Variants in DPP6 observed in about 807,000 individuals in gnomAD.
DPP6 encodes dipeptidyl peptidase like 6, also known as A-type potassium channel modulatory protein DPP6.
Under a neutral mutation model 122.6 loss-of-function variants are expected in DPP6, and 69 were observed. The ratio of observed to expected loss-of-function variants is 0.56; its 90% confidence interval spans 0.46 to 0.69. The LOEUF is 0.69. Ranked by LOEUF, DPP6 falls within the 30% of genes least tolerant of loss-of-function variation. DPP6 has a pLI of 0.00. For missense variants in DPP6, 928 were observed against 1,116.9 expected, an observed-to-expected ratio of 0.83 and a Z score of 2.41; for synonymous variants, 418 against 433.1, an observed-to-expected ratio of 0.97 and a Z score of 0.43.
chr7:154,207,946 C>T (rs1241672501), intron 1 of DPP6, among the ~76,000 whole-genome samples: 1 of 143,372 alleles, frequency 7.0e-6, no homozygotes, highest in Non-Finnish European at 1.5e-5. Flanking sequence ...CAGAGTGAGA[C>T]TGCCTCAAAA....
chr7:154,239,992 TAAAAAAAAAA>T (rs763543397), intron 1 of DPP6, among the ~76,000 whole-genome samples: 3 of 50,398 alleles, frequency 6.0e-5, no homozygotes, highest in African/African-American at 1.8e-4. Flanking sequence ...ATGCTGTCTT[TAAAAAAAAAA>T]AAAAAAAAAA....
At chr7:153,965,669 C>T (rs1795668328) in intron 1 of DPP6, among the ~76,000 whole-genome samples, 1 of 152,154 alleles carries the variant, frequency 6.6e-6, no homozygotes, top group South Asian at 2.1e-4. Flanking sequence ...CCCACCACCA[C>T]GCCTGGCTAA....
intron 1 of DPP6, among the ~76,000 whole-genome samples, chr7:154,409,530 A>G (rs1290527485): frequency 1.3e-5 from 2 of 152,228 alleles, no homozygotes; most frequent in Non-Finnish European, 2.9e-5. Context: ...ACTTTTCATT[A>G]CAATCCAATT....
chr7:154,652,264 G>GT (rs532694133), intron 6 of DPP6, among the ~76,000 whole-genome samples: 6,652 of 149,498 alleles, frequency 0.044, 204 homozygotes, highest in African/African-American at 0.085. Flanking sequence ...CTCCAAAGGC[G>GT]TTTTTTTTTT....
the DPP6 span, among the ~76,000 whole-genome samples, chr7:153,799,283 A>AAT: frequency 2.2e-4 from 33 of 152,284 alleles, no homozygotes; most frequent in African/African-American, 7.9e-4. Context: ...GATTTATCTA[A>AAT]ATATATATAT....
At chr7:154,876,175 G>C in intron 20 of DPP6, 75 bp downstream of exon 20, 5 of 1,438,538 alleles carry the variant, frequency 3.5e-6, no homozygotes, top group Non-Finnish European at 4.5e-6. Flanking sequence ...CGCAGTCACA[G>C]TGCGGGAATG....
chr7:154,290,969 A>G (rs562424969), intron 1 of DPP6, among the ~76,000 whole-genome samples: 7 of 152,338 alleles, frequency 4.6e-5, no homozygotes, highest in Non-Finnish European at 8.8e-5. Context: ...AACAAGAGAC[A>G]AAACAAAAGT....
chr7:154,346,195 C>T (rs937681102), intron 1 of DPP6, among the ~76,000 whole-genome samples: 1 of 152,166 alleles, frequency 6.6e-6, no homozygotes, highest in Non-Finnish European at 1.5e-5. Context: ...TTGGCCCAGA[C>T]TCCCAGGATA....
rs1010802198 is a variant in DPP6 at position 154,821,394 on chromosome 7, A to G, written c.1666+14282A>G. Among the ~76,000 whole-genome samples, 1 of 151,962 alleles carries G rather than the reference A, an allele frequency of 6.6e-6. No individual in the cohort carries two copies. The highest frequency in any genetic ancestry group is 6.6e-5 in the Admixed American group (1 of 15,240). On this transcript the variant is annotated intron_variant, in intron 16 of 25. Coordinates refer to ENST00000377770, the MANE Select transcript of DPP6 (RefSeq NM_130797.4). This position sits in a 1 kb window ranked among gnomAD's most constrained non-coding sequence, Gnocchi z 4.2. The stretch of plus-strand genomic sequence containing the variant: ...TCAGTCCTTTTTGCCACTAGATCCA[A>G]CATGGATAGACAGATAATAGATGAG...
rs575923773 is a variant in DPP6 at position 154,241,474 on chromosome 7, C to G, written c.243+188411C>G. Reference sequence around the variant, plus strand: ...ATTTGGGAGGCGGAGGCAGGAGAATCGCTTGAACCCAGGAGAAGGAGGTTG... The same window carrying G: ...ATTTGGGAGGCGGAGGCAGGAGAATGGCTTGAACCCAGGAGAAGGAGGTTG... On this transcript the variant is annotated intron_variant, in intron 1 of 25. Transcript: ENST00000377770. The surrounding 1 kb of genome is among the most constrained non-coding windows in gnomAD (Gnocchi z 9.0). Among the ~76,000 whole-genome samples the G allele has an allele frequency of 6.6e-6, 1 of 151,934 alleles. No individual in the cohort carries two copies. Among genetic ancestry groups the G allele is most frequent in the Non-Finnish European group, 1.5e-5 (1 of 68,002 alleles).
intron 6 of DPP6, among the ~76,000 whole-genome samples, chr7:154,644,270 G>A (rs1415980551): frequency 6.6e-6 from 1 of 152,204 alleles, no homozygotes; most frequent in Non-Finnish European, 1.5e-5. Flanking sequence ...GGAATGGTGG[G>A]TCGGGAGCTC....
rs114698843 is a variant in DPP6 at position 154,297,798 on chromosome 7, T to C, written c.244-148416T>C. Among the ~76,000 whole-genome samples, 1,072 of 152,270 alleles carry C rather than the reference T, an allele frequency of 7.0e-3. 11 individuals carry two copies. The highest frequency in any genetic ancestry group is 0.025 in the African/African-American group (1,026 of 41,552). ...GGTTTGGTCTCATGGTTCCAGATTG[T>C]AGCAAGCATTCCAGATAGGCAGATG... On this transcript the variant is annotated intron_variant, in intron 1 of 25. Transcript: ENST00000377770.
intron 16 of DPP6, among the ~76,000 whole-genome samples, chr7:154,824,944 G>A (rs1800045800): frequency 6.6e-6 from 1 of 152,210 alleles, no homozygotes; most frequent in Non-Finnish European, 1.5e-5. Flanking sequence ...TTGCCATTCA[G>A]AAATTGTTAG....
intron 1 of DPP6, among the ~76,000 whole-genome samples, chr7:154,224,006 G>C (rs916579099): frequency 6.8e-6 from 1 of 146,364 alleles, no homozygotes; most frequent in Non-Finnish European, 1.5e-5. Flanking sequence ...CACACAGCCT[G>C]ACTGTTCCTA....
chr7:153,788,525 G>A, the DPP6 span, among the ~76,000 whole-genome samples: 2 of 152,130 alleles, frequency 1.3e-5, no homozygotes, highest in African/African-American at 2.4e-5. Flanking sequence ...ACAATCGATG[G>A]CATCTCACAG....
intron 1 of DPP6, among the ~76,000 whole-genome samples, chr7:154,226,046 C>G (rs956781679): frequency 6.6e-6 from 1 of 152,176 alleles, no homozygotes; most frequent in Admixed American, 6.5e-5. Context: ...AACCTTGTCT[C>G]TCTATTAAAT....
At chr7:154,261,844 C>T (rs936333164) in intron 1 of DPP6, among the ~76,000 whole-genome samples, 2 of 152,102 alleles carry the variant, frequency 1.3e-5, no homozygotes, top group Non-Finnish European at 2.9e-5. Flanking sequence ...AATGAGATAC[C>T]ATCTTACTCC....
chr7:154,650,799 C>T (rs1836830361), intron 6 of DPP6, among the ~76,000 whole-genome samples: 1 of 152,164 alleles, frequency 6.6e-6, no homozygotes, highest in South Asian at 2.1e-4. Context: ...TAATTCAAAC[C>T]TGGCCTGTAG....
At chr7:154,805,015 C>G in intron 15 of DPP6, 51 bp downstream of exon 15, 1 of 1,554,338 alleles carries the variant, frequency 6.4e-7, no homozygotes, top group South Asian at 1.2e-5. Flanking sequence ...GGAGGGCATC[C>G]AGGCTTTGCA....
Sources: allele counts gnomAD v4.1 joint callset (sites outside exome capture counted in the v4.1 genomes callset), GRCh38; gene constraint gnomAD v4.1.1; non-coding constraint Gnocchi (gnomAD v3.1); transcripts MANE v1.5; gene names NCBI Gene and HGNC (gene_info 2026-07-23, HGNC 2026-07-21).